VAX2: variants seen among roughly 807,000 people sequenced by gnomAD.
VAX2 encodes the protein ventral anterior homeobox 2.
Under a neutral mutation model 12.5 loss-of-function variants are expected in VAX2, and 8 were observed. The observed-to-expected ratio is 0.64, with a 90% CI of 0.37 to 1.15. The LOEUF is 1.15. VAX2 is among the 50% of genes most tolerant of loss of function. The pLI, the probability that VAX2 is intolerant of heterozygous loss-of-function variation, is 0.01. For missense variants in VAX2, 476 were observed against 412.9 expected, an observed-to-expected ratio of 1.15 and a Z score of -1.32; for synonymous variants, 183 against 187.6, an observed-to-expected ratio of 0.98 and a Z score of 0.20.
chr2:70,931,989 A>C (rs1160239463), intron 2 of VAX2, among the ~76,000 whole-genome samples: 1 of 152,140 alleles, frequency 6.6e-6, no homozygotes, highest in Non-Finnish European at 1.5e-5. Flanking sequence ...AAAACTACTA[A>C]AGTCTGGGTC....
chr2:70,905,926 T>A (rs1324006880), intron 1 of VAX2, among the ~76,000 whole-genome samples: 2 of 152,232 alleles, frequency 1.3e-5, no homozygotes, highest in Non-Finnish European at 2.9e-5. Flanking sequence ...ATTTCCCCAA[T>A]TACCCCTTGG....
At chr2:70,905,888 G>A (rs1679046844) in intron 1 of VAX2, among the ~76,000 whole-genome samples, 1 of 152,238 alleles carries the variant, frequency 6.6e-6, no homozygotes, top group African/African-American at 2.4e-5. Context: ...GAGAGAGGGT[G>A]TCTATGCATC....
chr2:70,925,904 C>T (rs1343101663), intron 2 of VAX2, among the ~76,000 whole-genome samples: 1 of 152,134 alleles, frequency 6.6e-6, no homozygotes, highest in African/African-American at 2.4e-5. Context: ...TTCCTCTCCT[C>T]TCCTCTCTTT....
chr2:70,933,217 G>A lies in VAX2; in HGVS notation c.*13G>A. On this transcript the variant is annotated 3_prime_UTR_variant, in exon 3 of 3. Transcript: ENST00000234392. ...AGCTAACACTTAAGACTCCCACCCT[G>A]TGACACTGAGTCCCGAGCACAGCAC... 11 of 1,502,640 alleles carry A rather than the reference G, an allele frequency of 7.3e-6. No homozygotes were observed. The highest frequency in any genetic ancestry group is 1.4e-5 in the South Asian group (1 of 72,650). 93.1% of individuals were successfully genotyped at this position (1,502,640 alleles called of 1,614,324 possible). A position where few individuals can be genotyped will look rare whatever the true frequency, so the allele number is the denominator to read the frequency against.
At chr2:70,926,410 T>G (rs1679574918) in intron 2 of VAX2, among the ~76,000 whole-genome samples, 1 of 152,220 alleles carries the variant, frequency 6.6e-6, no homozygotes, top group Non-Finnish European at 1.5e-5. Context: ...CTGAAAGTTC[T>G]TCTCATGTCA....
chr2:70,920,023 T>C (rs1679417281), intron 1 of VAX2, among the ~76,000 whole-genome samples: 1 of 152,182 alleles, frequency 6.6e-6, no homozygotes, highest in Admixed American at 6.5e-5. Flanking sequence ...CTGGAGGGTA[T>C]TGGAATTCCT....
chr2:70,930,496 C>T (rs1679668395), intron 2 of VAX2, among the ~76,000 whole-genome samples: 2 of 152,222 alleles, frequency 1.3e-5, no homozygotes, highest in Admixed American at 6.5e-5. Context: ...CCCTCTTCCC[C>T]CAACAGCCAC....
chr2:70,917,885 C>T (rs1553412244), intron 1 of VAX2, among the ~76,000 whole-genome samples: 1 of 152,176 alleles, frequency 6.6e-6, no homozygotes, highest in African/African-American at 2.4e-5. Context: ...CAGCACCCTT[C>T]CTCCTATTCA....
intron 1 of VAX2, among the ~76,000 whole-genome samples, chr2:70,905,116 C>G (rs114184828): frequency 6.6e-6 from 1 of 151,964 alleles, no homozygotes. Context: ...TTGGGGAGAT[C>G]GGCCGGGCCG....
At chr2:70,909,011 T>C (rs1183485765) in intron 1 of VAX2, among the ~76,000 whole-genome samples, 1 of 152,244 alleles carries the variant, frequency 6.6e-6, no homozygotes, top group South Asian at 2.1e-4. Context: ...CCAGTTTAAT[T>C]TGCAAATATA....
chr2:70,909,112 T>G (rs1424252422), intron 1 of VAX2, among the ~76,000 whole-genome samples: 2 of 152,226 alleles, frequency 1.3e-5, no homozygotes, highest in African/African-American at 2.4e-5. Flanking sequence ...TGATTTTGTT[T>G]AGGATGGTCT....
chr2:70,927,228 G>C (rs1280937099), intron 2 of VAX2, among the ~76,000 whole-genome samples: 1 of 152,034 alleles, frequency 6.6e-6, no homozygotes, highest in East Asian at 1.9e-4. Context: ...TAGGACATAA[G>C]AGGATGTGGC....
chr2:70,906,372 C>T (rs776406516), intron 1 of VAX2, among the ~76,000 whole-genome samples: 3 of 152,120 alleles, frequency 2.0e-5, no homozygotes, highest in East Asian at 1.9e-4. Context: ...TGAATGCACC[C>T]GGAAAGTCAG....
intron 1 of VAX2, among the ~76,000 whole-genome samples, chr2:70,902,537 C>T (rs1333541099): frequency 6.6e-6 from 1 of 152,212 alleles, no homozygotes; most frequent in African/African-American, 2.4e-5. Context: ...AGGGGAGGAT[C>T]TAAAGTCACT....
At chr2:70,906,475 T>C (rs1166971879) in intron 1 of VAX2, among the ~76,000 whole-genome samples, 1 of 148,308 alleles carries the variant, frequency 6.7e-6, no homozygotes, top group African/African-American at 2.5e-5. Context: ...ATCTCCCCCG[T>C]GGCCTTAACA....
intron 1 of VAX2, among the ~76,000 whole-genome samples, chr2:70,906,693 T>A (rs1553410636): frequency 6.6e-6 from 1 of 152,004 alleles, no homozygotes; most frequent in Non-Finnish European, 1.5e-5. Context: ...GCGCGTTTCT[T>A]GTTCTTTAAC....
chr2:70,907,344 T>C (rs1396839488), intron 1 of VAX2, among the ~76,000 whole-genome samples: 1 of 152,230 alleles, frequency 6.6e-6, no homozygotes, highest in Non-Finnish European at 1.5e-5. Flanking sequence ...ATGGTGAGTC[T>C]CCCGGCTTTC....
At chr2:70,914,153 G>A (rs1233096028) in intron 1 of VAX2, among the ~76,000 whole-genome samples, 2 of 152,106 alleles carry the variant, frequency 1.3e-5, no homozygotes, top group African/African-American at 2.4e-5. Flanking sequence ...AAATACCAAC[G>A]AAAATAAAAT....
At chr2:70,906,085 G>A (rs146791399) in intron 1 of VAX2, among the ~76,000 whole-genome samples, 22 of 152,300 alleles carry the variant, frequency 1.4e-4, no homozygotes, top group Admixed American at 7.8e-4. Flanking sequence ...GCCAGTAGCC[G>A]GTTACCTGGC....
Sources: gnomAD v4.1 joint callset for allele counts (sites outside exome capture counted in the v4.1 genomes callset) on GRCh38, gnomAD v4.1.1 for gene constraint, MANE v1.5 for transcripts, NCBI Gene and HGNC (gene_info 2026-07-23, HGNC 2026-07-21) for gene names.